MPDZ: variants seen among roughly 807,000 people sequenced by gnomAD.
MPDZ encodes the protein multiple PDZ domain crumbs cell polarity complex component, also known as multiple PDZ domain protein.
In MPDZ, 234 loss-of-function variants were observed where a neutral mutation model predicts 239.1. The observed-to-expected ratio is 0.98, with a 90% confidence interval of 0.88 to 1.09. The LOEUF (loss-of-function observed/expected upper bound fraction) is 1.09, where lower values mean the gene tolerates loss of function less well. Among genes scored for constraint, MPDZ ranks in the 50% least tolerant of loss-of-function variants. The pLI is 0.00. For synonymous variants in MPDZ, 1,048 were observed against 881.3 expected (o/e 1.19, Z -3.35); for missense variants, 3,175 against 2,510.0 (o/e 1.26, Z -5.66).
At chr9:13,184,112 T>G (rs1953758949) in intron 18 of MPDZ, among the ~76,000 whole-genome samples, 1 of 152,022 alleles carries the variant, frequency 6.6e-6, no homozygotes, top group Non-Finnish European at 1.5e-5. Context: ...GATTTCATGC[T>G]AAAATTATAC....
In MPDZ at chr9:13,221,430, C is replaced by T. The variant is rs1959081725; in HGVS notation, c.818G>A (p.Gly273Glu). Residue 273 changes from glycine to glutamate, a missense_variant, in exon 7 of 47, where the codon GGA (glycine) becomes GAA (glutamate). Physicochemically the swap from Gly to Glu is moderately conservative, Grantham distance 98. Coordinates refer to ENST00000319217, the MANE Select transcript of MPDZ (RefSeq NM_001378778.1). ...DGSGLGFGIIGGKATGVIVKT... is the reference protein window; with the variant it reads ...DGSGLGFGIIEGKATGVIVKT... ...TACTATCACACCAGTTGCTTTTCCT[C>T]CTATGATGCCAAATCCCAAACCAGA... 1.2e-6 allele frequency: 2 copies of T among 1,611,434 alleles called. No individual in the cohort carries two copies. Among genetic ancestry groups the T allele is most frequent in the East Asian group, 4.5e-5 (2 of 44,714 alleles).
At chr9:13,176,666 T>C (rs1264335773) in intron 19 of MPDZ, among the ~76,000 whole-genome samples, 1 of 152,028 alleles carries the variant, frequency 6.6e-6, no homozygotes, top group Non-Finnish European at 1.5e-5. Context: ...GTTATACTTG[T>C]ACAAGATACT....
chr9:13,192,136 C>G lies in MPDZ; in HGVS notation c.1963G>C (p.Glu655Gln). 3 of 1,594,790 alleles carry G rather than the reference C, an allele frequency of 1.9e-6. No homozygotes were observed. Among genetic ancestry groups the G allele is most frequent in the Non-Finnish European group, 2.6e-6 (3 of 1,169,674 alleles). Residue 655 changes from glutamate (E) to glutamine (Q), a missense_variant, in exon 15 of 47, where the codon GAA becomes CAA. Transcript: ENST00000319217. Reference protein sequence around the residue: ...SLDLCDIELTEKPHVDLGEFI... With the variant: ...SLDLCDIELTQKPHVDLGEFI... ...CATGTATGCAAATCTGATACCTTTT[C>G]TGTTAGCTCAATATCACATAAGTCC...
chr9:13,201,622 T>C (rs553545213), intron 12 of MPDZ, among the ~76,000 whole-genome samples: 4 of 152,158 alleles, frequency 2.6e-5, no homozygotes, highest in Admixed American at 6.6e-5. Context: ...AATTCTTTTT[T>C]CTTTCTGCTC....
intron 19 of MPDZ, among the ~76,000 whole-genome samples, chr9:13,180,173 A>T (rs2134353160): frequency 6.6e-6 from 1 of 152,314 alleles, no homozygotes; most frequent in African/African-American, 2.4e-5. Flanking sequence ...AATAGTATCA[A>T]CATTCTAAAC....
intron 27 of MPDZ, among the ~76,000 whole-genome samples, chr9:13,141,310 A>G (rs1251419868): frequency 6.6e-6 from 1 of 152,146 alleles, no homozygotes; most frequent in Non-Finnish European, 1.5e-5. Flanking sequence ...ACAAGAAATG[A>G]AAGTTTTTGT....
chr9:13,214,754 G>A (rs962000471), intron 10 of MPDZ, among the ~76,000 whole-genome samples: 1 of 152,008 alleles, frequency 6.6e-6, no homozygotes, highest in East Asian at 1.9e-4. Context: ...AACATGTACA[G>A]TAATTCATTT....
chr9:13,193,391 T>C (rs1332240886), intron 13 of MPDZ, 78 bp from the exon 14 acceptor site: 1 of 1,415,998 alleles, frequency 7.1e-7, no homozygotes, highest in African/African-American at 1.4e-5. Flanking sequence ...TTATGTTTTA[T>C]GTTTACCCAA....
intron 26 of MPDZ, among the ~76,000 whole-genome samples, chr9:13,144,628 G>A (rs1948192887): frequency 6.6e-6 from 1 of 152,068 alleles, no homozygotes; most frequent in Non-Finnish European, 1.5e-5. Flanking sequence ...ACACCACGCT[G>A]TATGAGAGAA....
At chr9:13,189,018 T>C (rs41265290) in intron 16 of MPDZ, 25 bp from the exon 17 acceptor site, 24,122 of 1,593,518 alleles carry the variant, frequency 0.015, 244 homozygotes, top group Middle Eastern at 0.033. Flanking sequence ...AAGGAAAGAG[T>C]CAGCTCATTT....
At chr9:13,132,280 G>A (rs1946110889) in intron 32 of MPDZ, among the ~76,000 whole-genome samples, 1 of 152,128 alleles carries the variant, frequency 6.6e-6, no homozygotes, top group South Asian at 2.1e-4. Context: ...CCTTAATATA[G>A]GCAGCACCAT....
At chr9:13,193,420 C>G in intron 13 of MPDZ, 107 bp from the exon 14 acceptor site, 1 of 1,240,866 alleles carries the variant, frequency 8.1e-7, no homozygotes, top group Non-Finnish European at 1.1e-6. Flanking sequence ...ATCTTTCTCA[C>G]AAAGCTTCAA....
chr9:13,238,399 G>A (rs1438440744), intron 3 of MPDZ, among the ~76,000 whole-genome samples: 1 of 152,094 alleles, frequency 6.6e-6, no homozygotes, highest in Non-Finnish European at 1.5e-5. Flanking sequence ...AAACCAACCG[G>A]AGAGCCCTAC....
intron 18 of MPDZ, among the ~76,000 whole-genome samples, 179 bp downstream of exon 18, chr9:13,186,091 A>C (rs1032088915): frequency 1.8e-4 from 27 of 152,302 alleles, no homozygotes; most frequent in African/African-American, 6.5e-4. Context: ...TGTTTTTCAT[A>C]TTTATTATGG....
In MPDZ at chr9:13,125,350, A is replaced by G; in HGVS notation, c.4673T>C (p.Leu1558Pro). 1 of 1,613,812 alleles carries G rather than the reference A, an allele frequency of 6.2e-7. No individual in the cohort carries two copies. The highest frequency in any genetic ancestry group is 2.2e-5 in the East Asian group (1 of 44,874). Residue 1558 changes from leucine (L) to proline (P), a missense_variant, in exon 35 of 47, where the codon CTT becomes CCT. Physicochemically the swap from Leu to Pro is moderately conservative, Grantham distance 98 (BLOSUM62 -3). Transcript: ENST00000319217. ...LLKTAKMTVKLTIHAENPDSQ... is the reference protein window; with the variant it reads ...LLKTAKMTVKPTIHAENPDSQ... The stretch of plus-strand genomic sequence containing the variant: ...ATCTGGATTCTCAGCATGGATGGTA[A>G]GTTTTACTGTCATCTTTGCTGTCTT...
intron 18 of MPDZ, 52 bp from the exon 19 acceptor site, chr9:13,183,637 GACAA>G: frequency 1.3e-6 from 2 of 1,564,974 alleles, no homozygotes; most frequent in Middle Eastern, 1.7e-4. Context: ...TTACATATAT[GACAA>G]ACAATCTCCA....
intron 11 of MPDZ, 149 bp from the exon 12 acceptor site, chr9:13,205,256 G>A: frequency 2.2e-6 from 1 of 450,150 alleles, no homozygotes; most frequent in Non-Finnish European, 3.8e-6. Context: ...TTAAAGGCAA[G>A]TTCTGTTAGT....
chr9:13,143,832 A>T (rs957401994), intron 26 of MPDZ, among the ~76,000 whole-genome samples: 13 of 152,102 alleles, frequency 8.5e-5, no homozygotes, highest in South Asian at 2.1e-4. Context: ...ATTTTTGCTC[A>T]ATGTCTTCGG....
intron 10 of MPDZ, among the ~76,000 whole-genome samples, chr9:13,210,796 T>G (rs942987339): frequency 6.6e-6 from 1 of 152,062 alleles, no homozygotes; most frequent in African/African-American, 2.4e-5. Flanking sequence ...ACGTTAAAAA[T>G]CCATCATCTG....
Sources: allele counts gnomAD v4.1 joint callset (sites outside exome capture counted in the v4.1 genomes callset), GRCh38; gene constraint gnomAD v4.1.1; transcripts MANE v1.5; gene names NCBI Gene and HGNC (gene_info 2026-07-23, HGNC 2026-07-21).